Variants in CDC42BPA observed in about 807,000 individuals in gnomAD.
The protein encoded by CDC42BPA is serine/threonine-protein kinase MRCK alpha.
CDC42BPA carries 80 observed loss-of-function variants against 223.5 expected under a neutral mutation model. The ratio of observed to expected loss-of-function variants is 0.36; its 90% CI spans 0.30 to 0.43. The LOEUF is 0.43. Ranked by LOEUF, CDC42BPA falls within the 20% of genes least tolerant of loss-of-function variation. The pLI is 1.00. For missense variants in CDC42BPA, 1,743 were observed against 2,099.9 expected (o/e 0.83, Z 3.32); for synonymous variants, 694 against 718.6 (o/e 0.97, Z 0.55).
intron 3 of CDC42BPA, among the ~76,000 whole-genome samples, chr1:227,203,424 T>C (rs1672134104): frequency 1.3e-5 from 2 of 152,156 alleles, no homozygotes; most frequent in Non-Finnish European, 2.9e-5. Flanking sequence ...ATGAAGTCCC[T>C]GTTGAGAAGC....
intron 2 of CDC42BPA, among the ~76,000 whole-genome samples, chr1:227,246,692 T>C (rs945721099): frequency 2.0e-5 from 3 of 150,396 alleles, no homozygotes; most frequent in African/African-American, 7.4e-5. Context: ...TCCCTTCAAA[T>C]ACCTGGAATG....
chr1:227,022,533 A>G (rs1221206749), intron 32 of CDC42BPA, among the ~76,000 whole-genome samples: 1 of 152,248 alleles, frequency 6.6e-6, no homozygotes, highest in Non-Finnish European at 1.5e-5. Context: ...CTTCTATTAT[A>G]TAGAAATTTG....
chr1:227,246,402 AG>A (rs1680962284), intron 2 of CDC42BPA, among the ~76,000 whole-genome samples: 1 of 152,016 alleles, frequency 6.6e-6, no homozygotes, highest in African/African-American at 2.4e-5. Flanking sequence ...CCTGAAGGGA[AG>A]GGCCTTGGGC....
intron 5 of CDC42BPA, among the ~76,000 whole-genome samples, chr1:227,161,001 C>T (rs1663785976): frequency 6.6e-6 from 1 of 152,174 alleles, no homozygotes; most frequent in Non-Finnish European, 1.5e-5. Context: ...TCCTCTAGCC[C>T]ATGAAACTGG....
At chr1:227,050,185 A>G (rs17851754) in intron 22 of CDC42BPA, among the ~76,000 whole-genome samples, 23,495 of 152,190 alleles carry the variant, frequency 0.15, 2,202 homozygotes, top group African/African-American at 0.25. Flanking sequence ...TAGAACAACA[A>G]AGGACACAAA....
At chr1:227,022,587 T>C (rs1667583575) in intron 32 of CDC42BPA, among the ~76,000 whole-genome samples, 1 of 152,266 alleles carries the variant, frequency 6.6e-6, no homozygotes, top group South Asian at 2.1e-4. Context: ...AAGAGGGCAC[T>C]ATAATAATGT....
At chr1:227,282,080 T>C (rs747954550) in intron 1 of CDC42BPA, among the ~76,000 whole-genome samples, 1 of 151,552 alleles carries the variant, frequency 6.6e-6, no homozygotes, top group Non-Finnish European at 1.5e-5. Flanking sequence ...TCCCAGCTAC[T>C]TGGGAGCTGA....
intron 1 of CDC42BPA, among the ~76,000 whole-genome samples, chr1:227,283,643 G>A (rs1688354160): frequency 6.6e-6 from 1 of 152,178 alleles, no homozygotes; most frequent in African/African-American, 2.4e-5. Context: ...GAAGTACGGA[G>A]GGTGGAAAAA....
At chr1:227,062,025 C>G (rs1485614964) in intron 21 of CDC42BPA, among the ~76,000 whole-genome samples, 3 of 152,188 alleles carry the variant, frequency 2.0e-5, no homozygotes, top group African/African-American at 7.2e-5. Context: ...CCTTTCTCTT[C>G]TGTTAAATCT....
At chr1:227,096,944 AAG>A (rs1270150249) in intron 15 of CDC42BPA, among the ~76,000 whole-genome samples, 1 of 152,132 alleles carries the variant, frequency 6.6e-6, no homozygotes, top group Non-Finnish European at 1.5e-5. Context: ...CCAACTCAAC[AAG>A]AGAGCTCAAC....
intron 34 of CDC42BPA, among the ~76,000 whole-genome samples, chr1:227,006,980 C>T (rs1664220875): frequency 6.6e-6 from 1 of 151,914 alleles, no homozygotes; most frequent in African/African-American, 2.4e-5. Context: ...ACAACAACAA[C>T]AACAACAACA....
intron 23 of CDC42BPA, among the ~76,000 whole-genome samples, chr1:227,043,084 T>C (rs550655392): frequency 6.6e-6 from 1 of 152,294 alleles, no homozygotes; most frequent in South Asian, 2.1e-4. Flanking sequence ...CACAACCCTT[T>C]CTTTTTTACA....
At chr1:227,310,852 A>C (rs1693405596) in intron 1 of CDC42BPA, among the ~76,000 whole-genome samples, 1 of 130,968 alleles carries the variant, frequency 7.6e-6, no homozygotes, top group Non-Finnish European at 1.6e-5. Flanking sequence ...GCGCCCGGCT[A>C]ATTTTTTTTT....
intron 23 of CDC42BPA, among the ~76,000 whole-genome samples, chr1:227,046,494 C>T (rs1672479175): frequency 6.6e-6 from 1 of 152,146 alleles, no homozygotes; most frequent in South Asian, 2.1e-4. Context: ...CTTTCTCTCA[C>T]CAACCAGTGA....
chr1:227,244,108 G>A (rs1463533175), intron 2 of CDC42BPA, among the ~76,000 whole-genome samples: 4 of 151,868 alleles, frequency 2.6e-5, no homozygotes, highest in Non-Finnish European at 5.9e-5. Context: ...TAACCACTTG[G>A]GAAGTTATTT....
intron 6 of CDC42BPA, among the ~76,000 whole-genome samples, chr1:227,153,809 A>G (rs990132702): frequency 2.0e-5 from 3 of 152,004 alleles, no homozygotes; most frequent in African/African-American, 7.2e-5. Context: ...AGGTGATTTA[A>G]AAGTAAATTC....
intron 5 of CDC42BPA, among the ~76,000 whole-genome samples, chr1:227,191,331 G>A (rs887562612): frequency 1.0e-5 from 1 of 99,894 alleles, no homozygotes; most frequent in Non-Finnish European, 2.2e-5. Context: ...GGCAACAAGA[G>A]CAAAACTCTG....
chr1:227,209,020 CTT>C (rs1470398264), intron 3 of CDC42BPA, among the ~76,000 whole-genome samples: 1 of 151,392 alleles, frequency 6.6e-6, no homozygotes, highest in East Asian at 1.9e-4. Context: ...TTTGTATACT[CTT>C]TTATTTCCTT....
intron 21 of CDC42BPA, chr1:227,069,289 T>C (rs1677779373): frequency 6.6e-6 from 1 of 152,080 alleles, no homozygotes; most frequent in Non-Finnish European, 1.5e-5. Flanking sequence ...ATAATCACAA[T>C]TTCATTACTG....
Sources: gnomAD v4.1 joint callset for allele counts (sites outside exome capture counted in the v4.1 genomes callset) on GRCh38, gnomAD v4.1.1 for gene constraint, MANE v1.5 for transcripts, NCBI Gene and HGNC (gene_info 2026-07-23, HGNC 2026-07-21) for gene names.